The following NAALADL2 variants were observed in gnomAD, a reference collection of about 807,000 sequenced individuals.
NAALADL2 encodes inactive N-acetylated-alpha-linked acidic dipeptidase-like protein 2.
In NAALADL2, 76 loss-of-function variants were observed where a neutral mutation model predicts 87.2. The ratio of observed to expected loss-of-function variants is 0.87; its 90% CI spans 0.72 to 1.05. The LOEUF is 1.05. Ranked by LOEUF, NAALADL2 falls within the 50% of genes least tolerant of loss-of-function variation. The pLI is 0.00. For synonymous variants in NAALADL2, 354 were observed against 331.0 expected, an observed-to-expected ratio of 1.07 and a Z score of -0.75; for missense variants, 1,089 against 945.8, an observed-to-expected ratio of 1.15 and a Z score of -1.99.
intron 5 of NAALADL2, among the ~76,000 whole-genome samples, chr3:175,358,843 C>T (rs1488251143): frequency 6.6e-6 from 1 of 151,972 alleles, no homozygotes; most frequent in Non-Finnish European, 1.5e-5. Context: ...CCAAATTTGG[C>T]ACAATAAGTC....
chr3:174,871,240 A>G (rs556790176), intron 1 of NAALADL2, among the ~76,000 whole-genome samples: 1 of 152,364 alleles, frequency 6.6e-6, no homozygotes, highest in South Asian at 2.1e-4. Flanking sequence ...AACAAATTAC[A>G]TGTAAAAGCC....
chr3:174,682,504 G>T (rs1727641914), intron 2 of NAALADL2, among the ~76,000 whole-genome samples: 1 of 152,168 alleles, frequency 6.6e-6, no homozygotes, highest in Admixed American at 6.5e-5. Context: ...AGTTGTGGTG[G>T]CCACAGGGTG....
At chr3:174,898,084 G>A (rs1731803481) in intron 1 of NAALADL2, among the ~76,000 whole-genome samples, 1 of 96,406 alleles carries the variant, frequency 1.0e-5, no homozygotes, top group East Asian at 3.2e-4. Context: ...CTGCACTCCA[G>A]CCTGGGTGAC....
intron 3 of NAALADL2, among the ~76,000 whole-genome samples, chr3:174,789,313 A>C (rs1717182004): frequency 6.6e-6 from 1 of 152,214 alleles, no homozygotes; most frequent in African/African-American, 2.4e-5. Context: ...CACCACCAAA[A>C]GGAGTGGAGC....
chr3:175,180,412 T>C (rs1736293197), intron 2 of NAALADL2, among the ~76,000 whole-genome samples: 1 of 151,980 alleles, frequency 6.6e-6, no homozygotes. Flanking sequence ...GTATTATCTG[T>C]TACTATTACA....
intron 4 of NAALADL2, among the ~76,000 whole-genome samples, chr3:175,320,845 T>C (rs547618893): frequency 0.036 from 5,399 of 150,258 alleles, 324 homozygotes; most frequent in African/African-American, 0.13. Flanking sequence ...CAATAATCAA[T>C]AGTTTACCAA....
At chr3:175,042,832 A>C (rs977149401) in intron 1 of NAALADL2, among the ~76,000 whole-genome samples, 1 of 152,118 alleles carries the variant, frequency 6.6e-6, no homozygotes, top group African/African-American at 2.4e-5. Flanking sequence ...ATGGGACCTA[A>C]AGTGAGTTGT....
chr3:175,192,061 C>T (rs1168395120), intron 2 of NAALADL2, among the ~76,000 whole-genome samples: 3 of 152,010 alleles, frequency 2.0e-5, no homozygotes, highest in Non-Finnish European at 4.4e-5. Context: ...GGGAATAAAA[C>T]TTATTTGAGG....
At chr3:175,437,032 G>A (rs1202598621) in intron 5 of NAALADL2, among the ~76,000 whole-genome samples, 2 of 130,646 alleles carry the variant, frequency 1.5e-5, no homozygotes, top group Admixed American at 1.7e-4. Context: ...TTTGTATAAG[G>A]TGTAAGGAAG....
At chr3:174,693,150 C>G (rs936044721) in intron 2 of NAALADL2, among the ~76,000 whole-genome samples, 3 of 151,988 alleles carry the variant, frequency 2.0e-5, no homozygotes, top group African/African-American at 7.2e-5. Context: ...CATCCAATCA[C>G]TATTCACCAG....
chr3:174,491,305 C>T lies in NAALADL2; in HGVS notation c.-184+50273C>T, dbSNP rs140942836. ...CCATCTTCCTCATAATCCACAGTGT[C>T]TTTTGACCATCCAGAAAAGCAGTAG... On this transcript the variant is annotated intron_variant, in intron 1 of 3. Transcript: ENST00000434257. Among the ~76,000 whole-genome samples, 10 of 152,248 alleles carry T rather than the reference C, an allele frequency of 6.6e-5. No individual in the cohort carries two copies. In the East Asian group the frequency reaches 1.4e-3, roughly 21 times the overall value.
intron 13 of NAALADL2, among the ~76,000 whole-genome samples, chr3:175,782,015 T>TC (rs1233632829): frequency 6.6e-6 from 1 of 151,474 alleles, no homozygotes. Context: ...TTCATCCATG[T>TC]CCCTACAAAG....
intron 2 of NAALADL2, among the ~76,000 whole-genome samples, chr3:174,669,000 C>A (rs1436080880): frequency 2.0e-5 from 3 of 152,184 alleles, no homozygotes; most frequent in Non-Finnish European, 4.4e-5. Context: ...GCCACACTGA[C>A]TTCCACAATG....
At chr3:175,579,374 G>A (rs965536447) in intron 10 of NAALADL2, among the ~76,000 whole-genome samples, 1 of 152,100 alleles carries the variant, frequency 6.6e-6, no homozygotes, top group East Asian at 1.9e-4. Context: ...ATGACATTTT[G>A]TAATATCTAT....
chr3:175,485,110 T>G (rs7651305), intron 9 of NAALADL2, among the ~76,000 whole-genome samples: 4,855 of 152,294 alleles, frequency 0.032, 280 homozygotes, highest in African/African-American at 0.11. Context: ...GCTTAACCTC[T>G]CTTAGCTTCA....
chr3:175,091,509 A>G (rs905895697), intron 1 of NAALADL2, among the ~76,000 whole-genome samples: 1 of 152,062 alleles, frequency 6.6e-6, no homozygotes, highest in Non-Finnish European at 1.5e-5. Context: ...AATAACTTTT[A>G]CAAGTAGGAA....
chr3:175,256,855 A>AT (rs2109836860), intron 4 of NAALADL2: 2 of 169,050 alleles, frequency 1.2e-5, no homozygotes, highest in African/African-American at 4.8e-5. Flanking sequence ...AATAGTAAAA[A>AT]ATGAGAACCA....
At chr3:175,355,589 T>C (rs188430023) in intron 5 of NAALADL2, among the ~76,000 whole-genome samples, 1 of 152,320 alleles carries the variant, frequency 6.6e-6, no homozygotes, top group Admixed American at 6.5e-5. Flanking sequence ...CTTAGGTTTA[T>C]AATCTAGTTT....
intron 1 of NAALADL2, among the ~76,000 whole-genome samples, chr3:174,984,800 C>G (rs9815688): frequency 0.11 from 16,437 of 152,094 alleles, 2,150 homozygotes; most frequent in African/African-American, 0.31. Flanking sequence ...ATAGTTTGTT[C>G]AAGAACCAAG....
Sources: allele counts gnomAD v4.1 joint callset (sites outside exome capture counted in the v4.1 genomes callset), GRCh38; gene constraint gnomAD v4.1.1; transcripts MANE v1.5; gene names NCBI Gene and HGNC (gene_info 2026-07-23, HGNC 2026-07-21).